The following PARD3B variants were observed in gnomAD, a reference collection of about 807,000 sequenced individuals.
The protein encoded by PARD3B is par-3 family cell polarity regulator beta.
PARD3B carries 103 observed loss-of-function variants against 130.2 expected under a neutral mutation model. The ratio of observed to expected loss-of-function variants is 0.79; its 90% confidence interval spans 0.67 to 0.93. PARD3B has a LOEUF of 0.93. PARD3B is among the 40% of genes least tolerant of loss of function. The probability of loss-of-function intolerance (pLI) is 0.00; values close to 1 mark genes in which losing one functional copy is unlikely to be tolerated. For missense variants in PARD3B, 1,609 were observed against 1,499.2 expected, an observed-to-expected ratio of 1.07 and a Z score of -1.21; for synonymous variants, 583 against 553.2, an observed-to-expected ratio of 1.05 and a Z score of -0.76.
intron 16 of PARD3B, among the ~76,000 whole-genome samples, chr2:205,290,980 A>G (rs2041587714): frequency 6.6e-6 from 1 of 152,186 alleles, no homozygotes; most frequent in Admixed American, 6.5e-5. Flanking sequence ...AGAACAGTGG[A>G]GAAATACATT....
rs960131752 is a variant in PARD3B, at chr2:205,405,896, G to A, written c.2741+4773G>A. 1.3e-5 allele frequency among the ~76,000 whole-genome samples: 2 copies of A among 152,200 alleles called. No individual in the cohort carries two copies. The highest frequency in any genetic ancestry group is 2.4e-5 in the African/African-American group (1 of 41,458). On this transcript the variant is annotated intron_variant, in intron 19 of 22. Coordinates refer to ENST00000406610, the MANE Select transcript of PARD3B (RefSeq NM_001302769.2). The surrounding 1 kb of genome is among the most constrained non-coding windows in gnomAD (Gnocchi z 4.1). ...GCCTGATGGTTTTAGTTGAGCATAA[G>A]TTTAGCATGAGTCAACATGTGGATA... is the stretch of plus-strand genomic sequence containing the variant.
chr2:204,853,113 AT>A (rs59007837), intron 2 of PARD3B, among the ~76,000 whole-genome samples: 168 of 151,214 alleles, frequency 1.1e-3, no homozygotes, highest in African/African-American at 3.9e-3. Flanking sequence ...CCTTATAACT[AT>A]TTTTTTAATG....
intron 20 of PARD3B, among the ~76,000 whole-genome samples, chr2:205,491,925 G>A (rs946700501): frequency 1.3e-5 from 2 of 152,146 alleles, no homozygotes; most frequent in Admixed American, 6.5e-5. Context: ...GGGGAGGACC[G>A]CAGTTCAGGA....
intron 16 of PARD3B, among the ~76,000 whole-genome samples, chr2:205,255,304 G>A (rs2040032688): frequency 6.6e-6 from 1 of 152,108 alleles, no homozygotes; most frequent in East Asian, 1.9e-4. Flanking sequence ...TCCTGTAAGA[G>A]ATAGGGAGAA....
At chr2:204,792,461 A>G (rs1222299304) in intron 2 of PARD3B, among the ~76,000 whole-genome samples, 1 of 152,224 alleles carries the variant, frequency 6.6e-6, no homozygotes, top group African/African-American at 2.4e-5. Context: ...ACCAAAGAAC[A>G]ATAATATGTA....
intron 2 of PARD3B, among the ~76,000 whole-genome samples, chr2:204,802,703 A>T (rs560716935): frequency 1.1e-3 from 167 of 152,252 alleles, no homozygotes; most frequent in African/African-American, 3.6e-3. Flanking sequence ...GACATGGATG[A>T]AGCTGGAAAC....
chr2:205,134,837 T>C (rs1422854004), intron 10 of PARD3B, among the ~76,000 whole-genome samples: 1 of 152,068 alleles, frequency 6.6e-6, no homozygotes, highest in Admixed American at 6.5e-5. Flanking sequence ...TTTGCTGGGT[T>C]GTATGGCTTC....
At chr2:204,655,390 C>G (rs1366668731) in intron 1 of PARD3B, among the ~76,000 whole-genome samples, 1 of 152,078 alleles carries the variant, frequency 6.6e-6, no homozygotes, top group East Asian at 1.9e-4. Flanking sequence ...CTGATTTACT[C>G]TGCTTGTCTG....
chr2:205,522,541 T>A (rs775449280), intron 21 of PARD3B, among the ~76,000 whole-genome samples: 1 of 151,820 alleles, frequency 6.6e-6, no homozygotes, highest in Admixed American at 6.6e-5. Flanking sequence ...ATGATTTTTC[T>A]GTAAATATGT....
intron 1 of PARD3B, among the ~76,000 whole-genome samples, chr2:204,611,834 A>G (rs1204011659): frequency 9.7e-6 from 1 of 103,290 alleles, no homozygotes; most frequent in African/African-American, 2.8e-5. Flanking sequence ...ACAACTATAT[A>G]AATCTATATC....
chr2:204,704,159 T>C (rs900045438), intron 2 of PARD3B, among the ~76,000 whole-genome samples: 2 of 152,186 alleles, frequency 1.3e-5, no homozygotes, highest in African/African-American at 4.8e-5. Context: ...TGCATTCACA[T>C]TGTTGTATAA....
intron 2 of PARD3B, among the ~76,000 whole-genome samples, chr2:204,823,108 CA>C (rs2043429771): frequency 6.6e-6 from 1 of 152,006 alleles, no homozygotes; most frequent in South Asian, 2.1e-4. Context: ...ACGGGTCTTG[CA>C]GATTTGTTAT....
At chr2:204,838,298 T>A (rs1247825279) in intron 2 of PARD3B, among the ~76,000 whole-genome samples, 4 of 151,760 alleles carry the variant, frequency 2.6e-5, no homozygotes. Flanking sequence ...CTCTCCTACC[T>A]CAGCCTCCCA....
chr2:204,545,604 C>T lies in PARD3B; in HGVS notation c.-396C>T, dbSNP rs911600005. On this transcript the variant is annotated 5_prime_UTR_variant, in exon 1 of 23. Coordinates refer to ENST00000406610, the MANE Select transcript of PARD3B (RefSeq NM_001302769.2). The stretch of plus-strand genomic sequence containing the variant: ...AGCCCCCGGCTTGGGGCCGGCCCTG[C>T]CAACGCCGCCAGGGCCAGGGCCAGG... Among the ~76,000 whole-genome samples, 3 of 152,028 alleles carry T rather than the reference C, an allele frequency of 2.0e-5. No homozygotes were observed. The highest frequency in any genetic ancestry group is 7.2e-5 in the African/African-American group (3 of 41,440).
At chr2:205,127,481 T>C (rs749168783) in intron 10 of PARD3B, among the ~76,000 whole-genome samples, 2 of 152,174 alleles carry the variant, frequency 1.3e-5, no homozygotes, top group Non-Finnish European at 2.9e-5. Context: ...CAGTAAGGAT[T>C]AGTTGACAGA....
intron 3 of PARD3B, among the ~76,000 whole-genome samples, chr2:205,008,081 GT>G (rs1353861996): frequency 6.6e-6 from 1 of 152,086 alleles, no homozygotes; most frequent in Admixed American, 6.6e-5. Flanking sequence ...TAAAAGAAGA[GT>G]GGAAGAAAGA....
chr2:204,817,315 C>A (rs1332733217), intron 2 of PARD3B, among the ~76,000 whole-genome samples: 2 of 150,384 alleles, frequency 1.3e-5, no homozygotes, highest in South Asian at 2.1e-4. Context: ...TATTTTTATT[C>A]CTATAAAGGT....
chr2:204,944,489 C>G (rs1446575862), intron 2 of PARD3B, among the ~76,000 whole-genome samples: 1 of 152,198 alleles, frequency 6.6e-6, no homozygotes, highest in Non-Finnish European at 1.5e-5. Context: ...GTGGCCATCT[C>G]CATTTCTTTG....
chr2:205,423,712 G>C (rs969483931), intron 19 of PARD3B, among the ~76,000 whole-genome samples: 1 of 152,040 alleles, frequency 6.6e-6, no homozygotes, highest in African/African-American at 2.4e-5. Context: ...TGGTAGACTG[G>C]ATAAAGAAAA....
Sources: gnomAD v4.1 joint callset for allele counts (sites outside exome capture counted in the v4.1 genomes callset) on GRCh38, gnomAD v4.1.1 for gene constraint, Gnocchi (gnomAD v3.1) non-coding constraint, MANE v1.5 for transcripts, NCBI Gene and HGNC (gene_info 2026-07-23, HGNC 2026-07-21) for gene names.